LAMC3: variants seen among roughly 807,000 people sequenced by gnomAD.
LAMC3 encodes laminin subunit gamma 3, also known as laminin subunit gamma-3.
LAMC3 carries 128 observed loss-of-function variants against 173.8 expected under a neutral mutation model. The observed-to-expected ratio is 0.74, with a 90% CI of 0.64 to 0.85. The LOEUF is 0.85. Ranked by LOEUF, LAMC3 falls within the 40% of genes least tolerant of loss-of-function variation. The pLI is 0.00. For missense variants in LAMC3, 2,022 were observed against 2,156.0 expected (o/e 0.94, Z 1.23); for synonymous variants, 897 against 909.1 (o/e 0.99, Z 0.24).
At chr9:131,062,180 G>A (rs1829840406) in intron 13 of LAMC3, among the ~76,000 whole-genome samples, 2 of 152,044 alleles carry the variant, frequency 1.3e-5, no homozygotes, top group South Asian at 4.1e-4. Context: ...GGCTAACACG[G>A]TGAAACCCGT....
chr9:131,011,588 A>G (rs1238202172), intron 1 of LAMC3, among the ~76,000 whole-genome samples: 1 of 148,158 alleles, frequency 6.7e-6, no homozygotes, highest in African/African-American at 2.5e-5. Context: ...TTCTGGGGCC[A>G]CGTCACCTTC....
chr9:131,075,999 G>A (rs761697066), intron 21 of LAMC3, 34 bp downstream of exon 21: 3 of 1,574,486 alleles, frequency 1.9e-6, no homozygotes, highest in Non-Finnish European at 2.6e-6. Context: ...AGAAACTTTG[G>A]GGTTGGCCTC....
intron 27 of LAMC3, among the ~76,000 whole-genome samples, chr9:131,089,686 C>T (rs548491623): frequency 1.5e-4 from 23 of 152,218 alleles, no homozygotes; most frequent in African/African-American, 4.6e-4. Flanking sequence ...CCATGCCCGG[C>T]CTTATTTGTC....
At chr9:131,038,354 C>T (rs544418398) in intron 4 of LAMC3, among the ~76,000 whole-genome samples, 1 of 152,222 alleles carries the variant, frequency 6.6e-6, no homozygotes, top group South Asian at 2.1e-4. Flanking sequence ...CATGGATCCA[C>T]CCCTGAGCTC....
At chr9:131,046,855 A>G (rs918004913) in intron 8 of LAMC3, among the ~76,000 whole-genome samples, 10 of 149,728 alleles carry the variant, frequency 6.7e-5, no homozygotes, top group African/African-American at 2.2e-4. Flanking sequence ...CAGCTGAAAC[A>G]GAAGAACCTC....
chr9:131,066,736 T>A (rs1019794282), intron 13 of LAMC3, among the ~76,000 whole-genome samples: 1 of 152,140 alleles, frequency 6.6e-6, no homozygotes, highest in Non-Finnish European at 1.5e-5. Context: ...GCTGCCATTG[T>A]TGTCCCCGCT....
In LAMC3 at chr9:131,026,150, C is replaced by G. The variant is rs550246293; in HGVS notation, c.374-135C>G. 2 of 1,525,546 alleles carry G rather than the reference C, an allele frequency of 1.3e-6. No individual in the cohort carries two copies. Among genetic ancestry groups the G allele is most frequent in the Non-Finnish European group, 1.8e-6 (2 of 1,131,442 alleles). 94.5% of individuals were successfully genotyped at this position (1,525,546 alleles called of 1,614,324 possible). On this transcript the variant is annotated intron_variant, in intron 1 of 27. Transcript: ENST00000361069. The surrounding 1 kb of genome is among the most constrained non-coding windows in gnomAD (Gnocchi z 4.8). ...GCATCATGAATGGAGGGTGGCTTCC[C>G]CTGTCCAGAGCTCCAGACAGCTTCC...
chr9:131,019,410 G>A (rs1833589137), intron 1 of LAMC3, among the ~76,000 whole-genome samples: 3 of 152,186 alleles, frequency 2.0e-5, no homozygotes, highest in South Asian at 2.1e-4. Context: ...CGATGAATGA[G>A]TAGACTCGAG....
intron 18 of LAMC3, among the ~76,000 whole-genome samples, chr9:131,072,064 C>G (rs1029429290): frequency 5.0e-5 from 7 of 140,762 alleles, no homozygotes; most frequent in African/African-American, 1.9e-4. Flanking sequence ...GGAGCCAAGA[C>G]AGGAGGATTG....
chr9:131,034,380 G>T (rs1040150921), intron 3 of LAMC3, among the ~76,000 whole-genome samples: 1 of 152,214 alleles, frequency 6.6e-6, no homozygotes, highest in Non-Finnish European at 1.5e-5. Flanking sequence ...TGGGCCTTGC[G>T]TGGAAGCCGT....
At chr9:131,090,580 A>G (rs1830407407) in intron 27 of LAMC3, among the ~76,000 whole-genome samples, 1 of 152,112 alleles carries the variant, frequency 6.6e-6, no homozygotes, top group African/African-American at 2.4e-5. Context: ...GCCCAGTGGA[A>G]TCCTGTGGGG....
chr9:131,037,113 G>T (rs1422887987), intron 4 of LAMC3, among the ~76,000 whole-genome samples: 2 of 152,210 alleles, frequency 1.3e-5, no homozygotes, highest in African/African-American at 4.8e-5. Flanking sequence ...GGCACTGTCT[G>T]CAGGAGCTGC....
intron 20 of LAMC3, among the ~76,000 whole-genome samples, chr9:131,074,579 C>T (rs1830090545): frequency 7.6e-6 from 1 of 131,620 alleles, no homozygotes; most frequent in African/African-American, 3.6e-5. Flanking sequence ...ACCTATAATT[C>T]CAGCTATTTG....
In LAMC3 at chr9:131,079,138, T is replaced by C. The variant is rs764532122; in HGVS notation, c.3778-11T>C. ...TTCCAGGCCCTGCCTGAGCGCATTGTCTCCCTGCAGCCTCAGAAGTCCCGG... is the reference window on the plus strand; with the variant it reads ...TTCCAGGCCCTGCCTGAGCGCATTGCCTCCCTGCAGCCTCAGAAGTCCCGG... On this transcript the variant is annotated splice_polypyrimidine_tract_variant and intron_variant, in intron 22 of 27. Transcript: ENST00000361069. 19 of 1,612,154 alleles carry C rather than the reference T, an allele frequency of 1.2e-5. No homozygotes were observed. The highest frequency in any genetic ancestry group is 1.6e-5 in the Non-Finnish European group (19 of 1,179,260).
chr9:131,030,387 C>T (rs1833804193), intron 2 of LAMC3, among the ~76,000 whole-genome samples: 2 of 152,176 alleles, frequency 1.3e-5, no homozygotes, highest in African/African-American at 4.8e-5. Context: ...GGTCACAGGC[C>T]AGGAAGCAGA....
chr9:131,046,900 C>T (rs1354520067), intron 8 of LAMC3, among the ~76,000 whole-genome samples: 2 of 152,124 alleles, frequency 1.3e-5, no homozygotes, highest in Non-Finnish European at 2.9e-5. Context: ...GACATGAGGG[C>T]CGCGCGCCCT....
intron 1 of LAMC3, among the ~76,000 whole-genome samples, chr9:131,012,148 G>C (rs1833427118): frequency 6.6e-6 from 1 of 151,960 alleles, no homozygotes; most frequent in Non-Finnish European, 1.5e-5. Context: ...CCGAAAACCA[G>C]GCATATAGGA....
chr9:131,075,456 C>G (rs773209965), intron 20 of LAMC3, among the ~76,000 whole-genome samples: 1 of 148,832 alleles, frequency 6.7e-6, no homozygotes, highest in African/African-American at 2.5e-5. Flanking sequence ...CCCAGCTACT[C>G]GGGAGGCTGA....
intron 1 of LAMC3, among the ~76,000 whole-genome samples, chr9:131,019,759 G>A (rs142219563): frequency 6.6e-6 from 1 of 152,250 alleles, no homozygotes; most frequent in East Asian, 1.9e-4. Context: ...GCCCCAGAGA[G>A]AAGGGGCTGC....
Sources: allele counts gnomAD v4.1 joint callset (sites outside exome capture counted in the v4.1 genomes callset), GRCh38; gene constraint gnomAD v4.1.1; non-coding constraint Gnocchi (gnomAD v3.1); transcripts MANE v1.5; gene names NCBI Gene and HGNC (gene_info 2026-07-23, HGNC 2026-07-21).